Variants in RGS6 observed in about 807,000 individuals in gnomAD.
The protein encoded by RGS6 is regulator of G protein signaling 6.
RGS6 carries 30 observed loss-of-function variants against 78.5 expected under a neutral mutation model. The observed-to-expected ratio is 0.38, with a 90% CI of 0.29 to 0.52. The LOEUF is 0.52. Among genes scored for constraint, RGS6 ranks in the 20% least tolerant of loss-of-function variants. RGS6 has a pLI of 0.85. For synonymous variants in RGS6, 206 were observed against 206.0 expected, an observed-to-expected ratio of 1.00 and a Z score of 0.00; for missense variants, 495 against 609.7, an observed-to-expected ratio of 0.81 and a Z score of 1.98.
At chr14:72,251,802 T>G (rs2055858834) in intron 2 of RGS6, among the ~76,000 whole-genome samples, 1 of 152,152 alleles carries the variant, frequency 6.6e-6, no homozygotes, top group Admixed American at 6.6e-5. Context: ...CCCCCAAACC[T>G]TAGCTTCACA....
At chr14:72,381,522 C>T (rs1330790692) in intron 3 of RGS6, among the ~76,000 whole-genome samples, 6 of 152,086 alleles carry the variant, frequency 3.9e-5, no homozygotes, top group Admixed American at 3.9e-4. Context: ...AAAATGGACG[C>T]TACAAGGCAG....
intron 2 of RGS6, among the ~76,000 whole-genome samples, chr14:71,987,424 T>C (rs918199849): frequency 1.3e-5 from 2 of 152,152 alleles, no homozygotes; most frequent in African/African-American, 4.8e-5. Flanking sequence ...CGAGGAGAAG[T>C]GACCAAGCAG....
intron 2 of RGS6, among the ~76,000 whole-genome samples, chr14:72,136,815 T>G (rs1003097644): frequency 1.3e-5 from 2 of 152,246 alleles, no homozygotes; most frequent in Non-Finnish European, 2.9e-5. Context: ...CTCTGCCCAC[T>G]GGAGTATGCT....
intron 2 of RGS6, among the ~76,000 whole-genome samples, chr14:72,018,687 C>T (rs1458668833): frequency 3.9e-5 from 6 of 152,202 alleles, no homozygotes; most frequent in African/African-American, 1.4e-4. Context: ...CCTTCTACCT[C>T]GGGCAGAGCC....
chr14:71,971,208 T>C lies in RGS6; in HGVS notation c.84+6333T>C, dbSNP rs148339475. 7.2e-3 allele frequency among the ~76,000 whole-genome samples: 1,102 copies of C among 152,318 alleles called. 10 individuals are homozygous for C. Among genetic ancestry groups the C allele is most frequent in the African/African-American group, 0.025 (1,042 of 41,564 alleles). ...TTCAACTCCTTTGCATGCTGCTGTC[T>C]GCCCCAGAGGCTGAGCTGTGAGGAC... On this transcript the variant is annotated intron_variant, in intron 2 of 17. Transcript: ENST00000553525.
chr14:72,625,086 A>G, the RGS6 span, among the ~76,000 whole-genome samples: 1 of 152,080 alleles, frequency 6.6e-6, no homozygotes, highest in East Asian at 1.9e-4. Context: ...GAGAAATAGG[A>G]TATTTGAGAT....
intron 3 of RGS6, among the ~76,000 whole-genome samples, chr14:72,429,134 A>G (rs1358248556): frequency 2.0e-5 from 3 of 152,272 alleles, no homozygotes; most frequent in Non-Finnish European, 2.9e-5. Flanking sequence ...CCCAGGAGGC[A>G]GAGGTTGTAG....
At chr14:72,188,221 A>G (rs1453205601) in intron 2 of RGS6, among the ~76,000 whole-genome samples, 2 of 152,334 alleles carry the variant, frequency 1.3e-5, no homozygotes, top group East Asian at 3.9e-4. Flanking sequence ...ATATATACTC[A>G]ATAAACAGTC....
intron 17 of RGS6, chr14:72,547,206 G>A (rs1338675082): frequency 1.3e-5 from 20 of 1,535,342 alleles, no homozygotes; most frequent in African/African-American, 2.7e-5. Flanking sequence ...CCGCAGCAGA[G>A]GGGGCCAGAG....
the RGS6 span, among the ~76,000 whole-genome samples, chr14:71,891,367 C>A: frequency 6.6e-6 from 1 of 152,162 alleles, no homozygotes; most frequent in East Asian, 1.9e-4. Flanking sequence ...GGTGGCTCCT[C>A]CCATGGCTGG....
intron 2 of RGS6, among the ~76,000 whole-genome samples, chr14:72,119,419 G>T (rs1024094833): frequency 1.3e-5 from 2 of 152,188 alleles, no homozygotes; most frequent in Non-Finnish European, 2.9e-5. Flanking sequence ...GCTAGTGGTA[G>T]TTTTGTTGGG....
chr14:72,103,923 G>A (rs2095578140), intron 2 of RGS6, among the ~76,000 whole-genome samples: 1 of 152,204 alleles, frequency 6.6e-6, no homozygotes, highest in African/African-American at 2.4e-5. Context: ...TGACTTGGTC[G>A]AGGATATTAA....
At chr14:72,539,627 G>C (rs1363556021) in intron 16 of RGS6, among the ~76,000 whole-genome samples, 1 of 152,138 alleles carries the variant, frequency 6.6e-6, no homozygotes, top group Non-Finnish European at 1.5e-5. Context: ...GTCAGGACTT[G>C]GGGGGCCCCC....
intron 2 of RGS6, among the ~76,000 whole-genome samples, chr14:72,276,785 A>G (rs7161662): frequency 0.16 from 23,721 of 152,182 alleles, 1,900 homozygotes; most frequent in East Asian, 0.2. Flanking sequence ...CTGTGAGTCA[A>G]TCAAAACTCT....
intron 2 of RGS6, among the ~76,000 whole-genome samples, chr14:72,075,163 G>C (rs368607933): frequency 2.0e-4 from 31 of 152,254 alleles, no homozygotes; most frequent in African/African-American, 7.2e-4. Flanking sequence ...TTCTCAGTCT[G>C]ATTTCTCCAA....
intron 3 of RGS6, among the ~76,000 whole-genome samples, chr14:72,448,610 T>C (rs1480538209): frequency 1.3e-5 from 2 of 152,196 alleles, no homozygotes; most frequent in African/African-American, 2.4e-5. Flanking sequence ...AGGATTAGTA[T>C]AGCAGGATTA....
chr14:72,627,466 G>C, the RGS6 span, among the ~76,000 whole-genome samples: 1 of 151,988 alleles, frequency 6.6e-6, no homozygotes, highest in East Asian at 1.9e-4. Context: ...TCCATATGTA[G>C]TTGGATCTAT....
At chr14:72,454,449 C>A in intron 3 of RGS6, 79 bp from the exon 4 acceptor site, 1 of 1,418,662 alleles carries the variant, frequency 7.0e-7, no homozygotes, top group Non-Finnish European at 1.0e-6. Context: ...AATTAGGATT[C>A]TCTTAGGTAA....
At chr14:72,437,739 A>G (rs1403794968) in intron 3 of RGS6, among the ~76,000 whole-genome samples, 1 of 152,190 alleles carries the variant, frequency 6.6e-6, no homozygotes, top group Non-Finnish European at 1.5e-5. Context: ...CACATTAGAA[A>G]GATGCCTGGC....
Sources: gnomAD v4.1 joint callset for allele counts (sites outside exome capture counted in the v4.1 genomes callset) on GRCh38, gnomAD v4.1.1 for gene constraint, MANE v1.5 for transcripts, NCBI Gene and HGNC (gene_info 2026-07-23, HGNC 2026-07-21) for gene names.